The following EBF2 variants were observed in gnomAD, a reference collection of about 807,000 sequenced individuals.
EBF2 encodes EBF transcription factor 2.
EBF2 carries 21 observed loss-of-function variants against 72.8 expected under a neutral mutation model. The observed-to-expected ratio is 0.29, with a 90% CI of 0.20 to 0.42. EBF2 has a LOEUF of 0.42. Ranked by LOEUF, EBF2 falls within the 10% of genes least tolerant of loss-of-function variation. EBF2 has a pLI of 1.00. For synonymous variants in EBF2, 299 were observed against 274.2 expected (o/e 1.09, Z -0.89); for missense variants, 637 against 731.2 (o/e 0.87, Z 1.49).
chr8:25,962,169 A>G (rs1804045787), intron 6 of EBF2, among the ~76,000 whole-genome samples: 1 of 152,166 alleles, frequency 6.6e-6, no homozygotes, highest in Non-Finnish European at 1.5e-5. Flanking sequence ...GTTCCTGTGC[A>G]TGAAGAGTAA....
chr8:25,903,760 G>A (rs746694410), intron 7 of EBF2, among the ~76,000 whole-genome samples: 26 of 152,164 alleles, frequency 1.7e-4, no homozygotes, highest in Admixed American at 1.4e-3. Flanking sequence ...CAGCTTTTGA[G>A]GAGAGAGGTG....
At chr8:26,039,861 T>C (rs994357596) in intron 5 of EBF2, among the ~76,000 whole-genome samples, 167 bp downstream of exon 5, 1 of 130,414 alleles carries the variant, frequency 7.7e-6, no homozygotes, top group African/African-American at 2.9e-5. Flanking sequence ...TTAAGACACT[T>C]GCATGAAGGG....
chr8:25,953,217 A>G (rs531656245), intron 6 of EBF2, among the ~76,000 whole-genome samples: 1 of 152,320 alleles, frequency 6.6e-6, no homozygotes, highest in South Asian at 2.1e-4. Context: ...TCGTTTACTT[A>G]GCTGTTCATT....
At chr8:25,886,558 T>C (rs753835401) in intron 10 of EBF2, among the ~76,000 whole-genome samples, 197 bp downstream of exon 10, 5 of 151,586 alleles carry the variant, frequency 3.3e-5, no homozygotes, top group Admixed American at 6.6e-5. Context: ...TCCCAGATCA[T>C]GCAGAAGTTG....
At chr8:25,920,954 A>G (rs1803298895) in intron 6 of EBF2, among the ~76,000 whole-genome samples, 2 of 152,278 alleles carry the variant, frequency 1.3e-5, no homozygotes, top group Admixed American at 1.3e-4. Context: ...AGAAGGGATG[A>G]CTGAAATAGA....
At chr8:25,919,440 A>G (rs1485736) in intron 6 of EBF2, among the ~76,000 whole-genome samples, 111,477 of 152,080 alleles carry the variant, frequency 0.73, 41,012 homozygotes, top group East Asian at 0.86. Context: ...TCCACTCAGC[A>G]AAGTCACTAT....
intron 6 of EBF2, among the ~76,000 whole-genome samples, chr8:25,940,778 A>G (rs1007506720): frequency 2.6e-5 from 4 of 152,138 alleles, no homozygotes; most frequent in African/African-American, 9.7e-5. Flanking sequence ...GATTTAAACC[A>G]GGTGAATGCA....
chr8:25,985,118 C>T (rs1159547006), intron 6 of EBF2, among the ~76,000 whole-genome samples: 1 of 152,140 alleles, frequency 6.6e-6, no homozygotes, highest in African/African-American at 2.4e-5. Flanking sequence ...AAGAACCCTA[C>T]CAAACTGGAA....
Position 25,850,729 on chromosome 8 carries a change from T to C in EBF2, c.1561A>G (p.Ser521Gly). The C allele has an allele frequency of 6.4e-7, 1 of 1,563,378 alleles. No individual in the cohort carries two copies. Among genetic ancestry groups the C allele is most frequent in the Admixed American group, 2.1e-5 (1 of 47,964 alleles). Reference protein sequence around the residue: ...MSSSPTVGSSSTSSILPFSSS... With the variant: ...MSSSPTVGSSGTSSILPFSSS... Reference sequence around the variant, plus strand: ...GAAAATGGGAGGATGGAGGATGTGCTGGAAGACCCAACGGTGGGACTTGAT... The same window carrying C: ...GAAAATGGGAGGATGGAGGATGTGCCGGAAGACCCAACGGTGGGACTTGAT... The change falls in exon 15 of 16, where the codon AGC becomes GGC. Residue 521 changes from serine (S) to glycine (G), a missense_variant. Coordinates refer to ENST00000520164, the MANE Select transcript of EBF2 (RefSeq NM_022659.4).
chr8:25,979,971 C>G (rs1804333449), intron 6 of EBF2, among the ~76,000 whole-genome samples: 1 of 152,008 alleles, frequency 6.6e-6, no homozygotes, highest in Admixed American at 6.6e-5. Context: ...TTGGCAAAAA[C>G]TTCTACCTCT....
At chr8:25,971,843 G>A (rs908076495) in intron 6 of EBF2, among the ~76,000 whole-genome samples, 3 of 152,160 alleles carry the variant, frequency 2.0e-5, no homozygotes, top group Non-Finnish European at 4.4e-5. Context: ...ACAAAAATAG[G>A]GCACCCGTCT....
In EBF2 at chr8:26,040,020, G is replaced by T. The variant is rs777910416; in HGVS notation, c.482+8C>A. 2 of 1,613,376 alleles carry T rather than the reference G, an allele frequency of 1.2e-6. No individual in the cohort carries two copies. The highest frequency in any genetic ancestry group is 2.2e-5 in the South Asian group (2 of 91,034). ...CTCCAGGAAGGCCTGGGAAAAGGCG[G>T]CTCTTACCTACACATCACTTCGTGC... On this transcript the variant is annotated splice_region_variant and intron_variant, in intron 5 of 15. Coordinates refer to ENST00000520164, the MANE Select transcript of EBF2 (RefSeq NM_022659.4).
intron 14 of EBF2, among the ~76,000 whole-genome samples, chr8:25,854,566 G>A (rs1286955032): frequency 6.6e-6 from 1 of 152,134 alleles, no homozygotes; most frequent in Non-Finnish European, 1.5e-5. Flanking sequence ...GGTTACCTCT[G>A]CACAGACACA....
chr8:25,871,901 A>T (rs1394838532), intron 10 of EBF2, among the ~76,000 whole-genome samples: 1 of 152,114 alleles, frequency 6.6e-6, no homozygotes, highest in Non-Finnish European at 1.5e-5. Flanking sequence ...CAATATGTGA[A>T]TGGTTTCTTT....
intron 7 of EBF2, among the ~76,000 whole-genome samples, chr8:25,906,000 A>G (rs1803025798): frequency 6.6e-6 from 1 of 152,228 alleles, no homozygotes; most frequent in African/African-American, 2.4e-5. Context: ...TATCATTTTG[A>G]GATCAACAAT....
rs1271675814 is a variant in EBF2, at chr8:25,923,265, T to A, written c.552-14710A>T. Among the ~76,000 whole-genome samples, 3 of 152,322 alleles carry A rather than the reference T, an allele frequency of 2.0e-5. No individual in the cohort carries two copies. The South Asian group carries it at 6.2e-4, about 32-fold the overall frequency. ...CCCAGAAATGGCCCAGAGAGTCCTGTGGCCCAACACCATGATAAGGAAATC... is the reference window on the plus strand; with the variant it reads ...CCCAGAAATGGCCCAGAGAGTCCTGAGGCCCAACACCATGATAAGGAAATC... On this transcript the variant is annotated intron_variant, in intron 6 of 15. Coordinates refer to ENST00000520164, the MANE Select transcript of EBF2 (RefSeq NM_022659.4).
At chr8:25,923,475 G>T (rs1803337839) in intron 6 of EBF2, among the ~76,000 whole-genome samples, 1 of 152,092 alleles carries the variant, frequency 6.6e-6, no homozygotes, top group Non-Finnish European at 1.5e-5. Context: ...TCAAAATCAT[G>T]CAGAACACAC....
chr8:25,900,541 A>T (rs2117304824), intron 7 of EBF2, among the ~76,000 whole-genome samples: 1 of 152,306 alleles, frequency 6.6e-6, no homozygotes, highest in African/African-American at 2.4e-5. Context: ...CACGACCTGC[A>T]CATATATCTC....
chr8:25,913,507 T>C lies in EBF2; in HGVS notation c.552-4952A>G, dbSNP rs1018766085. On this transcript the variant is annotated intron_variant, in intron 6 of 15. Coordinates refer to ENST00000520164, the MANE Select transcript of EBF2 (RefSeq NM_022659.4). ...TAGTAGTAGTTAACAGCTACCATTA[T>C]ACAGAACCTGTCTGTATACAAAATA... Among the ~76,000 whole-genome samples, 3 of 152,310 alleles carry C rather than the reference T, an allele frequency of 2.0e-5. No individual in the cohort carries two copies. In the East Asian group the frequency reaches 5.8e-4, roughly 29 times the overall value.
Sources: gnomAD v4.1 joint callset for allele counts (sites outside exome capture counted in the v4.1 genomes callset) on GRCh38, gnomAD v4.1.1 for gene constraint, MANE v1.5 for transcripts, NCBI Gene and HGNC (gene_info 2026-07-23, HGNC 2026-07-21) for gene names.